Variants in TINCR observed in about 807,000 individuals in gnomAD.
TINCR encodes TINCR ubiquitin domain containing.
intron 1 of TINCR, 42 bp downstream of exon 1, chr19:5,567,623 G>C: frequency 1.8e-5 from 6 of 328,338 alleles, no homozygotes; most frequent in Middle Eastern, 8.5e-4. Flanking sequence ...GGGGTCCCCG[G>C]CCGCCGCCCC....
rs181190366 is a variant in TINCR, at chr19:5,565,764, C to G, written c.260+1901G>C. Among the ~76,000 whole-genome samples the G allele has an allele frequency of 1.3e-5, 2 of 152,324 alleles. No individual in the cohort carries two copies. Among genetic ancestry groups the G allele is most frequent in the Non-Finnish European group, 2.9e-5 (2 of 68,040 alleles). On this transcript the variant is annotated intron_variant, in intron 1 of 1. Coordinates refer to ENST00000646160, the Ensembl canonical transcript of TINCR. This position sits in a 1 kb window ranked among gnomAD's most constrained non-coding sequence, Gnocchi z 4.0. ...GGGTGGCATCTGAGGCTCCTGCCCT[C>G]AAAACATCAACCCAGGCTCGGTGAC... is the stretch of plus-strand genomic sequence containing the variant.
chr19:5,559,615 G>T (rs1261773119), downstream of TINCR: 1 of 152,322 alleles, frequency 6.6e-6, no homozygotes, highest in African/African-American at 2.4e-5. Context: ...GATTACAGGC[G>T]TGAGCCACCG....
At chr19:5,561,542 G>T (rs2052102074), downstream of TINCR, 1 of 152,280 alleles carries the variant, frequency 6.6e-6, no homozygotes, top group East Asian at 1.9e-4. Flanking sequence ...CCCTCCTGTG[G>T]ATGTCCCTTG....
downstream of TINCR, chr19:5,559,604 G>A (rs985368083): frequency 6.6e-6 from 1 of 152,284 alleles, no homozygotes; most frequent in African/African-American, 2.4e-5. Flanking sequence ...CAAAGTGCTG[G>A]GATTACAGGC....
downstream of TINCR, chr19:5,559,906 T>C (rs2052092075): frequency 6.6e-6 from 1 of 152,160 alleles, no homozygotes; most frequent in South Asian, 2.1e-4. Context: ...CCTGACAACC[T>C]CCTTGGGCCT....
downstream of TINCR, chr19:5,561,528 C>T (rs1407283701): frequency 6.6e-6 from 1 of 152,322 alleles, no homozygotes; most frequent in African/African-American, 2.4e-5. Context: ...GATCTGCAGT[C>T]ATCCCCTCCT....
rs908593632 is a variant in TINCR at position 5,563,473 on chromosome 19, GAAT to G, written c.261-527_261-525del. 2.2e-4 allele frequency among the ~76,000 whole-genome samples: 34 copies of G among 152,282 alleles called. No homozygotes were observed. Among genetic ancestry groups the G allele is most frequent in the African/African-American group, 7.7e-4 (32 of 41,556 alleles). ...GAATAGACTGATGTCAATAAAATCA[GAAT>G]AATAACAACTGTTCCCACTAATGGA... On this transcript the variant is annotated intron_variant, in intron 1 of 1. Transcript: ENST00000646160. This position sits in a 1 kb window ranked among gnomAD's most constrained non-coding sequence, Gnocchi z 4.7.
At chr19:5,567,643 C>T (rs1273959634) in intron 1 of TINCR, 22 bp downstream of exon 1, 2 of 361,112 alleles carry the variant, frequency 5.5e-6, no homozygotes, top group Non-Finnish European at 9.9e-6. Context: ...CCGCCCCACC[C>T]CACCCCGAGC....
In TINCR at chr19:5,567,653, C is replaced by A. The variant is rs1274321891; in HGVS notation, c.260+12G>T. 7 of 367,022 alleles carry A rather than the reference C, an allele frequency of 1.9e-5. No homozygotes were observed. The East Asian group carries it at 2.8e-4, about 14-fold the overall frequency. The allele number at this position is 367,022 out of a possible 1,614,324, so 22.7% of individuals were successfully genotyped here. ...CGCCCCCGCCCCACCCCACCCCGAGCCCCGCGGCCACCTGGGGTCGCTGAC... is the reference window on the plus strand; with the variant it reads ...CGCCCCCGCCCCACCCCACCCCGAGACCCGCGGCCACCTGGGGTCGCTGAC... On this transcript the variant is annotated intron_variant, in intron 1 of 1. Coordinates refer to ENST00000646160, the Ensembl canonical transcript of TINCR.
At chr19:5,558,291 C>T (rs1015693777), downstream of TINCR, 6 of 152,226 alleles carry the variant, frequency 3.9e-5, no homozygotes, top group Non-Finnish European at 7.3e-5. Context: ...GAGACACAGA[C>T]CTCCCAGTTC....
downstream of TINCR, chr19:5,560,040 T>A (rs1220091299): frequency 6.6e-6 from 1 of 151,948 alleles, no homozygotes; most frequent in African/African-American, 2.4e-5. This position sits in a 1 kb window ranked among gnomAD's most constrained non-coding sequence, Gnocchi z 4.5. Flanking sequence ...TGGAGGGGGA[T>A]AGGAAGACCC....
rs2052124888 is a variant in TINCR at position 5,565,688 on chromosome 19, C to G, written c.260+1977G>C. Among the ~76,000 whole-genome samples, 1 of 152,168 alleles carries G rather than the reference C, an allele frequency of 6.6e-6. No individual in the cohort carries two copies. Among genetic ancestry groups the G allele is most frequent in the Non-Finnish European group, 1.5e-5 (1 of 68,030 alleles). On this transcript the variant is annotated intron_variant, in intron 1 of 1. Coordinates refer to ENST00000646160, the Ensembl canonical transcript of TINCR. This position sits in a 1 kb window ranked among gnomAD's most constrained non-coding sequence, Gnocchi z 4.0. ...CGCTAAGATCTTCCCTCAAGAGGGC[C>G]TGGGGAGGGGGCCTCTCCTGCCCCC...
At chr19:5,567,899 GACAGCCCCCGCC>G (rs1223676706) in exon 1 of TINCR, 3 of 387,736 alleles carry the variant, frequency 7.7e-6, no homozygotes, top group African/African-American at 6.3e-5. Context: ...CTTCCAGCGC[GACAGCCCCCGCC>G]GCAGCCCCTC....
downstream of TINCR, chr19:5,562,272 T>C (rs2052105629): frequency 2.0e-5 from 3 of 152,708 alleles, no homozygotes; most frequent in South Asian, 6.2e-4. This position sits in a 1 kb window ranked among gnomAD's most constrained non-coding sequence, Gnocchi z 4.4. Context: ...GCCTTGGCGT[T>C]CAAGGCTTCC....
At chr19:5,567,724 C>T (rs2052139159) in exon 1 of TINCR, 5 of 390,522 alleles carry the variant, frequency 1.3e-5, no homozygotes, top group Non-Finnish European at 2.3e-5. Context: ...CGCGCACCGT[C>T]TGGTGGTCGT....
chr19:5,566,487 CAGAG>C (rs1279951608), intron 1 of TINCR, among the ~76,000 whole-genome samples: 1 of 150,118 alleles, frequency 6.7e-6, no homozygotes, highest in Non-Finnish European at 1.5e-5. Context: ...GGCAGAGACA[CAGAG>C]AGAGACAGAG....
At chr19:5,566,419 GAGAA>G (rs1465329049) in intron 1 of TINCR, among the ~76,000 whole-genome samples, 2 of 151,692 alleles carry the variant, frequency 1.3e-5, no homozygotes, top group East Asian at 1.9e-4. Context: ...GAGAGAGACA[GAGAA>G]AGAGAGACAG....
downstream of TINCR, chr19:5,559,868 T>A (rs1364812772): frequency 6.6e-6 from 1 of 152,316 alleles, no homozygotes; most frequent in Non-Finnish European, 1.5e-5. Context: ...TGAGCAGGGA[T>A]CTGGGCTGCC....
intron 1 of TINCR, among the ~76,000 whole-genome samples, chr19:5,566,971 CAG>C (rs2052133071): frequency 6.6e-6 from 1 of 151,398 alleles, no homozygotes; most frequent in Admixed American, 6.6e-5. Flanking sequence ...GAGACAGAGA[CAG>C]AGACAATCAC....
Sources: gnomAD v4.1 joint callset for allele counts (sites outside exome capture counted in the v4.1 genomes callset) on GRCh38, gnomAD v4.1.1 for gene constraint, Gnocchi (gnomAD v3.1) non-coding constraint, MANE v1.5 for transcripts, NCBI Gene and HGNC (gene_info 2026-07-23, HGNC 2026-07-21) for gene names.